WLS: variants seen among roughly 807,000 people sequenced by gnomAD.
WLS encodes protein wntless homolog.
Under a neutral mutation model 62.8 loss-of-function variants are expected in WLS, and 23 were observed. The ratio of observed to expected loss-of-function variants is 0.37; its 90% CI spans 0.26 to 0.52. The LOEUF is 0.52. Ranked by LOEUF, WLS falls within the 20% of genes least tolerant of loss-of-function variation. WLS has a pLI of 0.92. For synonymous variants in WLS, 246 were observed against 244.1 expected (o/e 1.01, Z -0.07); for missense variants, 615 against 697.3 (o/e 0.88, Z 1.33).
chr1:68,120,519 C>A (rs2100356973), downstream of WLS, among the ~76,000 whole-genome samples: 2 of 152,342 alleles, frequency 1.3e-5, no homozygotes, highest in South Asian at 4.1e-4. Context: ...GACTGAAGTT[C>A]CTTTAGTTCC....
downstream of WLS, among the ~76,000 whole-genome samples, chr1:68,121,454 A>G (rs1440453475): frequency 6.6e-6 from 1 of 152,164 alleles, no homozygotes; most frequent in Admixed American, 6.5e-5. Context: ...GTCACAGGAG[A>G]CAGGAAGCTC....
In WLS at chr1:68,174,710, G is replaced by A. The variant is rs117729361; in HGVS notation, c.380-15463C>T. 1.7e-4 allele frequency among the ~76,000 whole-genome samples: 26 copies of A among 152,088 alleles called. No individual in the cohort carries two copies. In the East Asian group the frequency reaches 4.1e-3, roughly 24 times the overall value. On this transcript the variant is annotated intron_variant, in intron 2 of 11. Transcript: ENST00000262348. ...CTTAAAATCATTGCTCTTTCCTTTC[G>A]GGTCACGCTAGCACTGTTGCGTTGG...
intron 2 of WLS, among the ~76,000 whole-genome samples, chr1:68,173,436 A>G (rs369174028): frequency 2.0e-5 from 3 of 150,366 alleles, no homozygotes; most frequent in East Asian, 4.0e-4. Flanking sequence ...CTCTCTCTGA[A>G]TGCAATTAGA....
At chr1:68,159,360 TATTA>T (rs1646941978) in intron 2 of WLS, 113 bp from the exon 3 acceptor site, 17 of 1,322,628 alleles carry the variant, frequency 1.3e-5, no homozygotes, top group Non-Finnish European at 1.6e-5. Context: ...AAAAGGGAAA[TATTA>T]ATTTCTATCA....
At chr1:68,145,439 G>A (rs1232604620) in intron 9 of WLS, among the ~76,000 whole-genome samples, 1 of 152,120 alleles carries the variant, frequency 6.6e-6, no homozygotes, top group African/African-American at 2.4e-5. Context: ...TTAGGGGAAT[G>A]TGGCCTGTTA....
rs551069238 is a variant in WLS, at chr1:68,166,970, A to G, written c.380-7723T>C. On this transcript the variant is annotated intron_variant, in intron 2 of 11. Coordinates refer to ENST00000262348, the MANE Select transcript of WLS (RefSeq NM_024911.7). ...ACATAAAAAAATAGAAATCACAGGG[A>G]GAATGGCCTGTTCAAGTGACCTTTA... 1.1e-4 allele frequency among the ~76,000 whole-genome samples: 16 copies of G among 152,290 alleles called. No homozygotes were observed. The South Asian group carries it at 3.3e-3, about 32-fold the overall frequency.
intron 11 of WLS, among the ~76,000 whole-genome samples, chr1:68,116,603 A>G (rs894243977): frequency 5.3e-5 from 8 of 152,310 alleles, no homozygotes; most frequent in African/African-American, 1.9e-4. Context: ...GTTGATAAAT[A>G]TCAAGTGATT....
chr1:68,101,002 G>A (rs974331299), intron 11 of WLS, among the ~76,000 whole-genome samples: 1 of 152,048 alleles, frequency 6.6e-6, no homozygotes, highest in Non-Finnish European at 1.5e-5. Flanking sequence ...AAACATAAAC[G>A]TGGCCAAACC....
chr1:68,127,134 G>T (rs1646443779), intron 11 of WLS: 4 of 395,684 alleles, frequency 1.0e-5, no homozygotes, highest in South Asian at 7.2e-5. Flanking sequence ...ATTCTAGGCT[G>T]CAGTGAGCTA....
intron 11 of WLS, chr1:68,100,730 G>A (rs1333391406): frequency 6.6e-6 from 1 of 152,034 alleles, no homozygotes; most frequent in African/African-American, 2.4e-5. Context: ...GACTCTTTGT[G>A]GCAATAAGAT....
intron 3 of WLS, 101 bp from the exon 4 acceptor site, chr1:68,155,361 A>C: frequency 7.3e-7 from 1 of 1,376,198 alleles, no homozygotes; most frequent in Non-Finnish European, 9.7e-7. Context: ...TAAGCAGCTA[A>C]TGCTTAAAGG....
In WLS at chr1:68,190,254, CT is replaced by C. The variant is rs148887490; in HGVS notation, c.379+3700del. ...CTTAAAAAACTTTCTATCTTACCCC[CT>C]AATCTAGATATAAATCAGGGATCAC... On this transcript the variant is annotated intron_variant, in intron 2 of 11. Transcript: ENST00000262348. Among the ~76,000 whole-genome samples the C allele has an allele frequency of 2.2e-3, 334 of 152,274 alleles. 2 individuals are homozygous for C. The highest frequency in any genetic ancestry group is 7.8e-3 in the African/African-American group (325 of 41,544).
intron 1 of WLS, among the ~76,000 whole-genome samples, chr1:68,225,099 G>T (rs890848216): frequency 2.6e-5 from 4 of 151,634 alleles, no homozygotes; most frequent in African/African-American, 9.7e-5. Flanking sequence ...CATGTGAAAC[G>T]CTTTCCATAG....
chr1:68,131,705 A>C (rs1404661532), intron 11 of WLS, among the ~76,000 whole-genome samples: 1 of 152,152 alleles, frequency 6.6e-6, no homozygotes, highest in South Asian at 2.1e-4. Context: ...TCTCAAATTC[A>C]TATATTGAAG....
chr1:68,172,735 C>T (rs1647173514), intron 2 of WLS, among the ~76,000 whole-genome samples: 2 of 152,066 alleles, frequency 1.3e-5, no homozygotes, highest in Non-Finnish European at 2.9e-5. Flanking sequence ...AATAGGAGTT[C>T]ACTAGGCAGC....
chr1:68,105,633 C>T (rs1339119465), intron 11 of WLS, among the ~76,000 whole-genome samples: 1 of 152,192 alleles, frequency 6.6e-6, no homozygotes, highest in Non-Finnish European at 1.5e-5. Context: ...CTGAACTCTG[C>T]TCAAGGTTTA....
At chr1:68,116,192 G>A (rs374553187) in intron 11 of WLS, among the ~76,000 whole-genome samples, 3 of 152,192 alleles carry the variant, frequency 2.0e-5, no homozygotes, top group Admixed American at 6.5e-5. Flanking sequence ...GATTCAGGCC[G>A]CCTTTGGCTT....
At chr1:68,117,035 C>T (rs1646301714) in intron 11 of WLS, among the ~76,000 whole-genome samples, 1 of 152,128 alleles carries the variant, frequency 6.6e-6, no homozygotes, top group African/African-American at 2.4e-5. Context: ...CACAAAAAAT[C>T]TTGGTTCCAT....
intron 2 of WLS, chr1:68,161,847 G>T: frequency 2.5e-6 from 4 of 1,606,442 alleles, no homozygotes; most frequent in East Asian, 2.2e-5. Context: ...TTGGGAGGTT[G>T]TGAGTCACTG....
Sources: gnomAD v4.1 joint callset for allele counts (sites outside exome capture counted in the v4.1 genomes callset) on GRCh38, gnomAD v4.1.1 for gene constraint, MANE v1.5 for transcripts, NCBI Gene and HGNC (gene_info 2026-07-23, HGNC 2026-07-21) for gene names.